The following CSMD3 variants were observed in gnomAD, a reference collection of about 807,000 sequenced individuals.
The protein encoded by CSMD3 is CUB and sushi domain-containing protein 3.
In CSMD3, 177 loss-of-function variants were observed where a neutral mutation model predicts 435.2. That is an observed-to-expected ratio of 0.41 (90% CI 0.36 to 0.46). CSMD3 has a LOEUF of 0.46. CSMD3 is among the 20% of genes least tolerant of loss of function. The probability of loss-of-function intolerance (pLI) is 0.34; values close to 1 mark genes in which losing one functional copy is unlikely to be tolerated. For missense variants in CSMD3, 4,265 were observed against 4,504.6 expected (o/e 0.95, Z 1.52); for synonymous variants, 1,656 against 1,520.5 (o/e 1.09, Z -2.07).
At chr8:112,535,414 A>G (rs1825973694) in intron 27 of CSMD3, among the ~76,000 whole-genome samples, 1 of 151,756 alleles carries the variant, frequency 6.6e-6, no homozygotes. Flanking sequence ...GTGAACTCCC[A>G]TTCACAATTG....
intron 2 of CSMD3, among the ~76,000 whole-genome samples, chr8:113,286,814 G>A (rs56034186): frequency 0.36 from 54,761 of 151,610 alleles, 10,583 homozygotes; most frequent in African/African-American, 0.5. Flanking sequence ...TAAATTAAGA[G>A]GTTATTAGCA....
intron 22 of CSMD3, among the ~76,000 whole-genome samples, chr8:112,630,509 G>C (rs530863737): frequency 5.3e-5 from 8 of 151,898 alleles, no homozygotes; most frequent in Non-Finnish European, 8.8e-5. Flanking sequence ...ATTTACACAG[G>C]GTTCAACACA....
intron 34 of CSMD3, 62 bp from the exon 35 acceptor site, chr8:112,406,789 G>A: frequency 2.8e-6 from 3 of 1,071,904 alleles, no homozygotes; most frequent in Non-Finnish European, 2.7e-6. Context: ...ATTTCAAAAT[G>A]TAACTGTTTA....
At chr8:113,088,154 A>T (rs1321939055) in intron 5 of CSMD3, among the ~76,000 whole-genome samples, 27 of 150,132 alleles carry the variant, frequency 1.8e-4, no homozygotes, top group Admixed American at 1.5e-3. Flanking sequence ...TCAAAACCAC[A>T]ATGAGATACC....
chr8:113,133,517 T>C (rs979103575), intron 4 of CSMD3, among the ~76,000 whole-genome samples: 1 of 152,146 alleles, frequency 6.6e-6, no homozygotes, highest in Non-Finnish European at 1.5e-5. Context: ...GAAAATAGAA[T>C]GGAGGTTCCT....
At chr8:113,172,727 A>G (rs1260392655) in intron 4 of CSMD3, among the ~76,000 whole-genome samples, 1 of 152,148 alleles carries the variant, frequency 6.6e-6, no homozygotes, top group Non-Finnish European at 1.5e-5. Context: ...ATTTGCAGTG[A>G]CATGTTTGGG....
At chr8:113,055,958 A>G (rs547328449) in intron 5 of CSMD3, among the ~76,000 whole-genome samples, 2 of 152,312 alleles carry the variant, frequency 1.3e-5, no homozygotes, top group African/African-American at 4.8e-5. Context: ...CAGTTGGGTG[A>G]AGAGGATAAG....
At chr8:113,266,252 A>C (rs1418292845) in intron 3 of CSMD3, among the ~76,000 whole-genome samples, 1 of 151,092 alleles carries the variant, frequency 6.6e-6, no homozygotes, top group African/African-American at 2.4e-5. Context: ...TGTTTGACAG[A>C]GAACTAAATA....
intron 63 of CSMD3, among the ~76,000 whole-genome samples, chr8:112,250,924 A>G (rs576295562): frequency 6.6e-6 from 1 of 151,888 alleles, no homozygotes; most frequent in Admixed American, 6.6e-5. Flanking sequence ...TTAACACCTT[A>G]TTCTCCTATT....
Position 112,527,776 on chromosome 8 carries a change from T to G in CSMD3, c.4565-10551A>C, listed in dbSNP as rs1232606145. Among the ~76,000 whole-genome samples, 3 of 152,112 alleles carry G rather than the reference T, an allele frequency of 2.0e-5. No homozygotes were observed. In the South Asian group the frequency reaches 6.2e-4, roughly 31 times the overall value. On this transcript the variant is annotated intron_variant, in intron 27 of 70. Transcript: ENST00000297405. ...ACAATCAACTTTCAAAGACTTTATTTTGACTTCATGAAATGAATACAAAAA... is the reference window on the plus strand; with the variant it reads ...ACAATCAACTTTCAAAGACTTTATTGTGACTTCATGAAATGAATACAAAAA...
intron 4 of CSMD3, among the ~76,000 whole-genome samples, chr8:113,139,308 A>AGAGG (rs2091491866): frequency 6.6e-6 from 1 of 150,994 alleles, no homozygotes; most frequent in African/African-American, 2.4e-5. Flanking sequence ...CTTACCTTGA[A>AGAGG]TTTTTTAAAT....
chr8:112,384,301 T>C (rs1353665405), intron 36 of CSMD3, among the ~76,000 whole-genome samples: 1 of 152,206 alleles, frequency 6.6e-6, no homozygotes, highest in Non-Finnish European at 1.5e-5. Context: ...TTTTAATGAA[T>C]AGAGTTATAG....
At chr8:112,997,423 C>A (rs1034705033) in intron 6 of CSMD3, among the ~76,000 whole-genome samples, 1 of 151,432 alleles carries the variant, frequency 6.6e-6, no homozygotes, top group Non-Finnish European at 1.5e-5. Context: ...TTAATGGATA[C>A]CTGTTTTCTC....
At chr8:113,230,870 TTATAATAA>T (rs1319468681) in intron 3 of CSMD3, among the ~76,000 whole-genome samples, 1 of 151,526 alleles carries the variant, frequency 6.6e-6, no homozygotes, top group Non-Finnish European at 1.5e-5. Flanking sequence ...TGGACATAAT[TTATAATAA>T]TACTAATTGT....
rs554684268 is a variant in CSMD3, at chr8:113,188,523, G to A, written c.515-14607C>T. Among the ~76,000 whole-genome samples the A allele has an allele frequency of 7.2e-5, 11 of 152,004 alleles. 1 individual carries two copies. The highest frequency in any genetic ancestry group is 2.0e-4 in the Admixed American group (3 of 15,230). ...GTAATAGTGTGCAATTGGGAACCACGGCCATAAGAGTTTCTTGGATGACAA... is the reference window on the plus strand; with the variant it reads ...GTAATAGTGTGCAATTGGGAACCACAGCCATAAGAGTTTCTTGGATGACAA... On this transcript the variant is annotated intron_variant, in intron 3 of 70. Transcript: ENST00000297405.
chr8:113,375,405 C>G (rs2094374975), intron 1 of CSMD3, among the ~76,000 whole-genome samples: 1 of 151,968 alleles, frequency 6.6e-6, no homozygotes, highest in African/African-American at 2.4e-5. Context: ...TGAGTTTAGA[C>G]TATAATTTAG....
intron 5 of CSMD3, among the ~76,000 whole-genome samples, chr8:113,025,310 G>T (rs183249360): frequency 6.6e-6 from 1 of 152,262 alleles, no homozygotes; most frequent in East Asian, 1.9e-4. Context: ...GTTTAGTAGG[G>T]TGTTTTGGCT....
chr8:113,285,534 C>A (rs2093640609), intron 2 of CSMD3, among the ~76,000 whole-genome samples: 1 of 152,156 alleles, frequency 6.6e-6, no homozygotes, highest in Admixed American at 6.5e-5. Context: ...GCTGGGATTA[C>A]AGGCGTGAGC....
chr8:113,379,560 C>T (rs1182078349), intron 1 of CSMD3, among the ~76,000 whole-genome samples: 1 of 152,106 alleles, frequency 6.6e-6, no homozygotes, highest in Non-Finnish European at 1.5e-5. Context: ...AGATTTTTAG[C>T]TCTAGCACCT....
Sources: allele counts gnomAD v4.1 joint callset (sites outside exome capture counted in the v4.1 genomes callset), GRCh38; gene constraint gnomAD v4.1.1; transcripts MANE v1.5; gene names NCBI Gene and HGNC (gene_info 2026-07-23, HGNC 2026-07-21).